The following SLX9 variants were observed in gnomAD, a reference collection of about 807,000 sequenced individuals.
SLX9 encodes SLX9 ribosome biogenesis factor.
SLX9 carries 19 observed loss-of-function variants against 20.8 expected under a neutral mutation model. The observed-to-expected ratio is 0.91, with a 90% CI of 0.64 to 1.34. The LOEUF (loss-of-function observed/expected upper bound fraction) is 1.34, where lower values mean the gene tolerates loss of function less well. SLX9 is among the 40% of genes most tolerant of loss of function. The pLI, the probability that SLX9 is intolerant of heterozygous loss-of-function variation, is 0.00. For missense variants in SLX9, 299 were observed against 322.2 expected, an observed-to-expected ratio of 0.93 and a Z score of 0.55; for synonymous variants, 113 against 137.1, an observed-to-expected ratio of 0.82 and a Z score of 1.23.
intron 2 of SLX9, among the ~76,000 whole-genome samples, chr21:44,959,046 C>G (rs1000566694): frequency 1.3e-5 from 2 of 152,158 alleles, no homozygotes; most frequent in African/African-American, 4.8e-5. Flanking sequence ...GGTTGGGATG[C>G]TATGGAGGAA....
intron 2 of SLX9, among the ~76,000 whole-genome samples, chr21:44,945,961 T>C (rs536171563): frequency 1.3e-5 from 2 of 152,174 alleles, no homozygotes; most frequent in African/African-American, 4.8e-5. Flanking sequence ...TCTCGATCTC[T>C]TGACCTCAGA....
At chr21:44,940,530 G>A (rs527855855) in intron 1 of SLX9, among the ~76,000 whole-genome samples, 78 of 152,348 alleles carry the variant, frequency 5.1e-4, no homozygotes, top group Non-Finnish European at 9.3e-4. Flanking sequence ...AGAGAAGAAC[G>A]GAGAGCAAAC....
At chr21:44,958,007 T>G (rs1274273540) in intron 2 of SLX9, among the ~76,000 whole-genome samples, 1 of 152,262 alleles carries the variant, frequency 6.6e-6, no homozygotes, top group Non-Finnish European at 1.5e-5. Flanking sequence ...CTTCTGAGTG[T>G]GCACCCTTCT....
chr21:44,960,827 TA>T (rs1388217534), intron 3 of SLX9, among the ~76,000 whole-genome samples: 1 of 152,268 alleles, frequency 6.6e-6, no homozygotes. Flanking sequence ...TGATGCTGGA[TA>T]TTTGCCAGTG....
intron 2 of SLX9, among the ~76,000 whole-genome samples, chr21:44,955,044 C>T (rs546460840): frequency 3.9e-5 from 6 of 152,000 alleles, no homozygotes; most frequent in African/African-American, 9.7e-5. Flanking sequence ...TGAAAGACCC[C>T]GTCTCTACTA....
Position 44,969,295 on chromosome 21 carries a change from G to A in SLX9, c.500+2114G>A, listed in dbSNP as rs745862118. On this transcript the variant is annotated intron_variant, in intron 4 of 5. Coordinates refer to ENST00000291634, the MANE Select transcript of SLX9 (RefSeq NM_058190.4). Reference sequence around the variant, plus strand: ...CGCCCGGAGTGGCGATGTGATGACCGAACATTCCTGGTTCTTGGACAAAAA... The same window carrying A: ...CGCCCGGAGTGGCGATGTGATGACCAAACATTCCTGGTTCTTGGACAAAAA... The A allele has an allele frequency of 1.4e-5, 6 of 442,006 alleles. No individual in the cohort carries two copies. The East Asian group carries it at 2.9e-4, about 22-fold the overall frequency. 27.4% of individuals were successfully genotyped at this position (442,006 alleles called of 1,614,324 possible). A position where few individuals can be genotyped will look rare whatever the true frequency, so the allele number is the denominator to read the frequency against.
chr21:44,948,450 G>A (rs1467995288), intron 2 of SLX9, among the ~76,000 whole-genome samples: 1 of 152,170 alleles, frequency 6.6e-6, no homozygotes, highest in Non-Finnish European at 1.5e-5. Context: ...CATGGAGCAC[G>A]CTTAGAATTG....
intron 5 of SLX9, among the ~76,000 whole-genome samples, chr21:44,974,608 C>A (rs939073846): frequency 6.6e-6 from 1 of 152,126 alleles, no homozygotes; most frequent in Non-Finnish European, 1.5e-5. Context: ...CTCTGTGGCC[C>A]AGGCTGGAGT....
chr21:44,940,662 T>C (rs903827571), intron 1 of SLX9, among the ~76,000 whole-genome samples: 1 of 133,270 alleles, frequency 7.5e-6, no homozygotes, highest in African/African-American at 3.0e-5. Context: ...GTGGAATTAT[T>C]GCTTTCAGGA....
At chr21:44,953,349 A>G (rs1395373084) in intron 2 of SLX9, among the ~76,000 whole-genome samples, 1 of 151,970 alleles carries the variant, frequency 6.6e-6, no homozygotes, top group Non-Finnish European at 1.5e-5. Flanking sequence ...TGGGGCCCCC[A>G]GACTAGCTGA....
chr21:44,960,629 G>A (rs554358766), intron 3 of SLX9, among the ~76,000 whole-genome samples: 12 of 152,372 alleles, frequency 7.9e-5, no homozygotes, highest in Admixed American at 2.6e-4. Flanking sequence ...CCTTGCCCGC[G>A]GTGAAAACAG....
chr21:44,941,435 C>T (rs1399982874), intron 1 of SLX9, among the ~76,000 whole-genome samples: 1 of 151,784 alleles, frequency 6.6e-6, no homozygotes, highest in African/African-American at 2.4e-5. Flanking sequence ...CTGTGTGCAG[C>T]CTCTGATGTG....
chr21:44,950,888 G>T (rs982878264), intron 2 of SLX9, among the ~76,000 whole-genome samples: 3 of 152,164 alleles, frequency 2.0e-5, no homozygotes, highest in Non-Finnish European at 4.4e-5. Context: ...ACTGCTGTGG[G>T]TTTATCCTCA....
intron 2 of SLX9, among the ~76,000 whole-genome samples, chr21:44,954,197 T>C (rs1388503158): frequency 6.6e-6 from 1 of 151,978 alleles, no homozygotes; most frequent in Non-Finnish European, 1.5e-5. Context: ...TCCTGTGGGG[T>C]TTGGAGTCCA....
rs556693963 is a variant in SLX9 at position 44,942,460 on chromosome 21, T to G, written c.130-1224T>G. ...CCAAGGACTTCTCCCTCAGGTGCTGTGGGTGAGAGCACCTGGGGAGTTGCA... is the reference window on the plus strand; with the variant it reads ...CCAAGGACTTCTCCCTCAGGTGCTGGGGGTGAGAGCACCTGGGGAGTTGCA... On this transcript the variant is annotated intron_variant, in intron 1 of 5. Transcript: ENST00000291634. 2.0e-5 allele frequency among the ~76,000 whole-genome samples: 3 copies of G among 152,274 alleles called. No homozygotes were observed. The South Asian group carries it at 6.2e-4, about 32-fold the overall frequency.
chr21:44,943,161 C>T (rs578098519), intron 1 of SLX9, among the ~76,000 whole-genome samples: 11 of 152,118 alleles, frequency 7.2e-5, no homozygotes, highest in Middle Eastern at 3.4e-3. Flanking sequence ...ACGGTTTGGT[C>T]GGCAGCTGAC....
chr21:44,968,660 C>T (rs895066820), intron 4 of SLX9, among the ~76,000 whole-genome samples: 2 of 152,142 alleles, frequency 1.3e-5, no homozygotes, highest in Admixed American at 1.3e-4. Context: ...GGCTGTGTAG[C>T]CACAGCCCAG....
chr21:44,953,292 C>CT (rs1242188960), intron 2 of SLX9, among the ~76,000 whole-genome samples: 1 of 152,202 alleles, frequency 6.6e-6, no homozygotes, highest in African/African-American at 2.4e-5. Context: ...GTGTGCTTGT[C>CT]TGAGGTGTAG....
intron 1 of SLX9, among the ~76,000 whole-genome samples, chr21:44,943,181 C>G (rs1197446210): frequency 1.3e-5 from 2 of 151,774 alleles, no homozygotes; most frequent in African/African-American, 4.9e-5. Context: ...CTTGGAGGAA[C>G]TGAAATCTTC....
Sources: allele counts gnomAD v4.1 joint callset (sites outside exome capture counted in the v4.1 genomes callset), GRCh38; gene constraint gnomAD v4.1.1; transcripts MANE v1.5; gene names NCBI Gene and HGNC (gene_info 2026-07-23, HGNC 2026-07-21).